Variants in AAMDC observed in about 807,000 individuals in gnomAD.
AAMDC encodes adipogenesis associated Mth938 domain containing.
AAMDC carries 16 observed loss-of-function variants against 15.5 expected under a neutral mutation model. The observed-to-expected ratio is 1.03, with a 90% CI of 0.70 to 1.57. The LOEUF is 1.57. AAMDC is among the 40% of genes most tolerant of loss of function. The pLI, the probability that AAMDC is intolerant of heterozygous loss-of-function variation, is 0.00. For synonymous variants in AAMDC, 51 were observed against 51.6 expected (o/e 0.99, Z 0.05); for missense variants, 141 against 144.9 (o/e 0.97, Z 0.14).
chr11:77,861,401 G>A (rs1416306686), intron 2 of AAMDC, among the ~76,000 whole-genome samples: 1 of 152,216 alleles, frequency 6.6e-6, no homozygotes, highest in African/African-American at 2.4e-5. Flanking sequence ...GTCCAGGACA[G>A]GAGAGTAAGA....
intron 2 of AAMDC, among the ~76,000 whole-genome samples, chr11:77,848,580 G>C (rs1258370227): frequency 6.6e-6 from 1 of 152,048 alleles, no homozygotes; most frequent in Non-Finnish European, 1.5e-5. Flanking sequence ...GGTTGGTCTC[G>C]AACGCCTGAC....
rs765562738 is a variant in AAMDC, at chr11:77,891,839, A to T, written c.329-8732A>T. The T allele has an allele frequency of 1.8e-5, 29 of 1,610,938 alleles. No homozygotes were observed. Among genetic ancestry groups the T allele is most frequent in the Non-Finnish European group, 2.5e-5 (29 of 1,179,142 alleles). On this transcript the variant is annotated intron_variant, in intron 5 of 5. Transcript: ENST00000304716. ...AAGTGGGGCAAATCAGCGATGAAAT[A>T]CCTGGAGGAACAAACAGAAGCAACT...
intron 1 of AAMDC, among the ~76,000 whole-genome samples, chr11:77,831,373 A>C (rs1198517133): frequency 6.6e-6 from 1 of 152,206 alleles, no homozygotes; most frequent in Non-Finnish European, 1.5e-5. Flanking sequence ...GCATATGTCC[A>C]TGAAAAAATT....
intron 1 of AAMDC, among the ~76,000 whole-genome samples, chr11:77,823,721 C>T (rs1345348512): frequency 6.6e-6 from 1 of 150,440 alleles, no homozygotes; most frequent in Non-Finnish European, 1.5e-5. Context: ...GGTTACTTAA[C>T]TGACCTTAAA....
downstream of AAMDC, chr11:77,901,674 T>C (rs1952781697): frequency 2.8e-6 from 2 of 716,754 alleles, no homozygotes; most frequent in Non-Finnish European, 4.7e-6. Flanking sequence ...ATCCTTATGC[T>C]TTTAAGTGTT....
chr11:77,886,507 G>T (rs1051347950), intron 5 of AAMDC, among the ~76,000 whole-genome samples: 1 of 152,226 alleles, frequency 6.6e-6, no homozygotes, highest in Non-Finnish European at 1.5e-5. Flanking sequence ...GAAATTCAAT[G>T]AAGCACGGGT....
chr11:77,867,427 T>G (rs1951169893), intron 2 of AAMDC, among the ~76,000 whole-genome samples: 1 of 152,188 alleles, frequency 6.6e-6, no homozygotes, highest in South Asian at 2.1e-4. Flanking sequence ...ACTCCATTTC[T>G]TCTCATCCTA....
At chr11:77,883,531 TAAG>T (rs1951873985) in intron 5 of AAMDC, among the ~76,000 whole-genome samples, 1 of 152,182 alleles carries the variant, frequency 6.6e-6, no homozygotes, top group South Asian at 2.1e-4. Context: ...GCAGTTAGGA[TAAG>T]AATAATCTCC....
intron 2 of AAMDC, among the ~76,000 whole-genome samples, chr11:77,845,682 G>A (rs976872426): frequency 6.6e-5 from 10 of 152,052 alleles, no homozygotes; most frequent in African/African-American, 1.7e-4. Flanking sequence ...CACCCACCTC[G>A]GCCTCCCAAA....
intron 1 of AAMDC, among the ~76,000 whole-genome samples, chr11:77,821,759 C>A (rs909155377): frequency 6.6e-6 from 1 of 152,078 alleles, no homozygotes; most frequent in Non-Finnish European, 1.5e-5. Context: ...CCACAAAGAA[C>A]GCCAGAGAGA....
At chr11:77,892,326 G>A (rs1051109051) in intron 5 of AAMDC, among the ~76,000 whole-genome samples, 6 of 152,092 alleles carry the variant, frequency 3.9e-5, no homozygotes, top group African/African-American at 1.2e-4. Context: ...AGTTAAGTAC[G>A]TTACTCCTGG....
In AAMDC at chr11:77,861,125, C is replaced by G. The variant is rs191998240; in HGVS notation, c.133-8597C>G. On this transcript the variant is annotated intron_variant, in intron 2 of 3. Transcript: ENST00000393427. ...GCATTTTTTGCTCGTCCATATTGTC[C>G]TTCTGTTGCCCAGACTTCAGGATTA... Among the ~76,000 whole-genome samples the G allele has an allele frequency of 4.6e-5, 7 of 152,172 alleles. No individual in the cohort carries two copies. The South Asian group carries it at 1.0e-3, about 23-fold the overall frequency.
chr11:77,892,161 T>C (rs1952301418), intron 5 of AAMDC, among the ~76,000 whole-genome samples: 2 of 152,218 alleles, frequency 1.3e-5, no homozygotes, highest in Admixed American at 1.3e-4. Flanking sequence ...TTTTAACAAA[T>C]ACATTTTTAA....
At chr11:77,900,267 T>G (rs1952724977) in intron 5 of AAMDC, among the ~76,000 whole-genome samples, 1 of 151,876 alleles carries the variant, frequency 6.6e-6, no homozygotes, top group African/African-American at 2.4e-5. Context: ...GCCCGGCTAA[T>G]TTTATGTATT....
At chr11:77,826,057 C>T (rs1007536881) in intron 1 of AAMDC, among the ~76,000 whole-genome samples, 5 of 152,008 alleles carry the variant, frequency 3.3e-5, no homozygotes, top group African/African-American at 1.2e-4. Flanking sequence ...TTGGTTTCTC[C>T]GATGGAGTAA....
At chr11:77,904,132 CACT>C (rs763920945), downstream of AAMDC, among the ~76,000 whole-genome samples, 201 of 152,336 alleles carry the variant, frequency 1.3e-3, 1 homozygote, top group Non-Finnish European at 2.0e-3. Context: ...TCAAAACCAC[CACT>C]AAGAGCCATG....
chr11:77,893,375 G>A (rs1419481463), intron 5 of AAMDC, among the ~76,000 whole-genome samples: 5 of 152,174 alleles, frequency 3.3e-5, no homozygotes, highest in African/African-American at 1.2e-4. Context: ...GGAGGCAGAG[G>A]CAGGAGGATC....
downstream of AAMDC, among the ~76,000 whole-genome samples, chr11:77,900,973 C>T (rs1389967123): frequency 1.3e-5 from 2 of 152,152 alleles, no homozygotes; most frequent in African/African-American, 4.8e-5. Context: ...AACCAAACAA[C>T]TAGTAAGTAG....
At chr11:77,835,669 A>G (rs1949650654) in intron 1 of AAMDC, among the ~76,000 whole-genome samples, 1 of 152,204 alleles carries the variant, frequency 6.6e-6, no homozygotes, top group Non-Finnish European at 1.5e-5. Flanking sequence ...CTGTAATCCC[A>G]GCACTTTGGG....
Sources: gnomAD v4.1 joint callset for allele counts (sites outside exome capture counted in the v4.1 genomes callset) on GRCh38, gnomAD v4.1.1 for gene constraint, MANE v1.5 for transcripts, NCBI Gene and HGNC (gene_info 2026-07-23, HGNC 2026-07-21) for gene names.